Variants in CNTN5 observed in about 807,000 individuals in gnomAD.
The protein encoded by CNTN5 is contactin 5, also known as contactin-5.
CNTN5 carries 77 observed loss-of-function variants against 129.1 expected under a neutral mutation model. The observed-to-expected ratio is 0.60, with a 90% CI of 0.50 to 0.72. CNTN5 has a LOEUF of 0.72. Ranked by LOEUF, CNTN5 falls within the 30% of genes least tolerant of loss-of-function variation. The probability of loss-of-function intolerance (pLI) is 0.00; values close to 1 mark genes in which losing one functional copy is unlikely to be tolerated. For missense variants in CNTN5, 1,478 were observed against 1,328.8 expected (o/e 1.11, Z -1.75); for synonymous variants, 509 against 465.6 (o/e 1.09, Z -1.20).
intron 1 of CNTN5, among the ~76,000 whole-genome samples, chr11:99,087,914 T>A (rs1352805587): frequency 6.6e-6 from 1 of 152,208 alleles, no homozygotes; most frequent in Admixed American, 6.5e-5. Flanking sequence ...CAGAGTCCCA[T>A]GGTCAGAAGG....
At chr11:99,614,655 A>G (rs1010591608) in intron 3 of CNTN5, among the ~76,000 whole-genome samples, 1 of 152,166 alleles carries the variant, frequency 6.6e-6, no homozygotes, top group African/African-American at 2.4e-5. Flanking sequence ...TTCTGCGACA[A>G]TCTGTTACAG....
chr11:99,192,685 T>A (rs1858704102), intron 1 of CNTN5, among the ~76,000 whole-genome samples: 1 of 152,080 alleles, frequency 6.6e-6, no homozygotes, highest in Non-Finnish European at 1.5e-5. Flanking sequence ...AAACCAACTT[T>A]CTGAAGCTTA....
intron 3 of CNTN5, among the ~76,000 whole-genome samples, chr11:99,574,424 GT>G (rs1271295934): frequency 6.6e-6 from 1 of 152,166 alleles, no homozygotes; most frequent in African/African-American, 2.4e-5. Flanking sequence ...TATTTACCCA[GT>G]AATGGATTGC....
chr11:99,390,946 A>T (rs925245853), intron 2 of CNTN5, among the ~76,000 whole-genome samples: 1 of 152,046 alleles, frequency 6.6e-6, no homozygotes, highest in Non-Finnish European at 1.5e-5. Context: ...TGTTTTTATT[A>T]TAGTTTCTTT....
chr11:99,830,307 A>C (rs1947098028), intron 4 of CNTN5, among the ~76,000 whole-genome samples: 2 of 152,150 alleles, frequency 1.3e-5, no homozygotes, highest in Non-Finnish European at 2.9e-5. Context: ...CTCTGTGTCT[A>C]CGCAAGCTTT....
intron 3 of CNTN5, among the ~76,000 whole-genome samples, chr11:99,639,449 A>G (rs1280144026): frequency 6.6e-6 from 1 of 152,152 alleles, no homozygotes; most frequent in East Asian, 1.9e-4. Flanking sequence ...TTCTTCCCAG[A>G]AAATGGGTTT....
intron 1 of CNTN5, among the ~76,000 whole-genome samples, chr11:99,275,244 T>G (rs1186012253): frequency 6.6e-6 from 1 of 151,512 alleles, no homozygotes; most frequent in Non-Finnish European, 1.5e-5. Flanking sequence ...TCTTAGTGCT[T>G]GCTATCCTTT....
chr11:100,340,965 G>T (rs768877556), intron 22 of CNTN5, 128 bp from the exon 23 acceptor site: 1 of 711,370 alleles, frequency 1.4e-6, no homozygotes, highest in Non-Finnish European at 2.4e-6. Flanking sequence ...TCTGACTCCA[G>T]CTGGAAGGAA....
At chr11:99,164,555 T>C (rs571441910) in intron 1 of CNTN5, among the ~76,000 whole-genome samples, 1 of 152,286 alleles carries the variant, frequency 6.6e-6, no homozygotes, top group Admixed American at 6.5e-5. Context: ...ACAATTCTGC[T>C]CTGCAGAGTA....
intron 3 of CNTN5, among the ~76,000 whole-genome samples, chr11:99,682,149 G>A (rs1953584008): frequency 6.6e-6 from 1 of 152,006 alleles, no homozygotes; most frequent in Non-Finnish European, 1.5e-5. Context: ...TAAATAAAAT[G>A]TCCTGGTGAA....
intron 3 of CNTN5, among the ~76,000 whole-genome samples, chr11:99,659,034 AC>A (rs1346925964): frequency 6.6e-6 from 1 of 152,076 alleles, no homozygotes; most frequent in Non-Finnish European, 1.5e-5. Context: ...AACCCCTGCC[AC>A]AGTTGATTTA....
At chr11:99,491,588 T>C (rs1446409339) in intron 2 of CNTN5, among the ~76,000 whole-genome samples, 1 of 152,150 alleles carries the variant, frequency 6.6e-6, no homozygotes, top group Middle Eastern at 3.2e-3. Context: ...CAATATGCTA[T>C]TGGGATTATA....
intron 1 of CNTN5, among the ~76,000 whole-genome samples, chr11:99,211,461 A>G (rs774425407): frequency 6.6e-6 from 1 of 152,094 alleles, no homozygotes; most frequent in Non-Finnish European, 1.5e-5. Context: ...CATATGTGAC[A>G]TATTTTGTGA....
chr11:99,081,009 A>G (rs938016431), intron 1 of CNTN5, among the ~76,000 whole-genome samples: 1 of 145,908 alleles, frequency 6.9e-6, no homozygotes, highest in Non-Finnish European at 1.5e-5. Flanking sequence ...TCAGAAGAAC[A>G]TATACCCTGT....
chr11:99,965,348 C>T (rs1289053426), intron 8 of CNTN5, among the ~76,000 whole-genome samples: 1 of 149,538 alleles, frequency 6.7e-6, no homozygotes, highest in African/African-American at 2.5e-5. Flanking sequence ...CCCAGAGATT[C>T]TGGTATTTGT....
At chr11:99,738,255 A>G (rs769308823) in intron 3 of CNTN5, among the ~76,000 whole-genome samples, 8 of 152,254 alleles carry the variant, frequency 5.3e-5, no homozygotes, top group Middle Eastern at 6.8e-3. Context: ...CTGGTATCTT[A>G]TAAGAGAGGG....
intron 2 of CNTN5, among the ~76,000 whole-genome samples, chr11:99,338,290 T>C (rs1360188253): frequency 6.6e-6 from 1 of 152,218 alleles, no homozygotes; most frequent in Admixed American, 6.5e-5. Flanking sequence ...TCTTTTTCTT[T>C]CATAAAACTG....
At chr11:99,601,998 C>T (rs374184065) in intron 3 of CNTN5, among the ~76,000 whole-genome samples, 1 of 152,024 alleles carries the variant, frequency 6.6e-6, no homozygotes, top group Non-Finnish European at 1.5e-5. Flanking sequence ...CCTATATATA[C>T]CTACATACTA....
chr11:100,024,108 A>C (rs760839755), intron 9 of CNTN5, among the ~76,000 whole-genome samples: 3 of 152,122 alleles, frequency 2.0e-5, no homozygotes, highest in Non-Finnish European at 4.4e-5. Flanking sequence ...TAAACTCCAC[A>C]TGTCAAGGGA....
Sources: allele counts gnomAD v4.1 joint callset (sites outside exome capture counted in the v4.1 genomes callset), GRCh38; gene constraint gnomAD v4.1.1; transcripts MANE v1.5; gene names NCBI Gene and HGNC (gene_info 2026-07-23, HGNC 2026-07-21).